Variants in KIF18A observed in about 807,000 individuals in gnomAD.
KIF18A encodes kinesin-like protein KIF18A.
In KIF18A, 67 loss-of-function variants were observed where a neutral mutation model predicts 103.3. The observed-to-expected ratio is 0.65, with a 90% CI of 0.53 to 0.79. KIF18A has a LOEUF of 0.79. Ranked by LOEUF, KIF18A falls within the 30% of genes least tolerant of loss-of-function variation. KIF18A has a pLI of 0.00. For missense variants in KIF18A, 1,032 were observed against 1,062.5 expected (o/e 0.97, Z 0.40); for synonymous variants, 367 against 355.5 (o/e 1.03, Z -0.36).
intron 7 of KIF18A, 124 bp from the exon 8 acceptor site, chr11:28,083,367 T>A: frequency 2.8e-6 from 3 of 1,078,300 alleles, no homozygotes; most frequent in Middle Eastern, 6.0e-4. Context: ...ATAATTATGC[T>A]CACATTTAAA....
At chr11:28,100,107 G>A (rs1183912717) in intron 1 of KIF18A, among the ~76,000 whole-genome samples, 1 of 152,026 alleles carries the variant, frequency 6.6e-6, no homozygotes, top group East Asian at 1.9e-4. Context: ...TTTGGCTTGA[G>A]AATTAGAAGG....
At chr11:28,094,572 A>G (rs1851344255) in intron 3 of KIF18A, 71 bp downstream of exon 3, 1 of 1,086,466 alleles carries the variant, frequency 9.2e-7, no homozygotes, top group Non-Finnish European at 1.4e-6. Flanking sequence ...ACTCTTATAT[A>G]ATAAAATCAT....
chr11:28,042,718 T>C (rs577353287), intron 13 of KIF18A, among the ~76,000 whole-genome samples: 1 of 151,792 alleles, frequency 6.6e-6, no homozygotes, highest in Non-Finnish European at 1.5e-5. Context: ...CATTTGAAGG[T>C]TAACTGCAAA....
intron 12 of KIF18A, among the ~76,000 whole-genome samples, chr11:28,061,929 G>T (rs1419483190): frequency 3.9e-5 from 6 of 151,996 alleles, no homozygotes; most frequent in African/African-American, 2.4e-5. Flanking sequence ...GAACATAAAA[G>T]GTCTGTTATA....
intron 6 of KIF18A, 100 bp downstream of exon 6, chr11:28,088,424 G>T: frequency 1.1e-6 from 1 of 928,124 alleles, no homozygotes; most frequent in Non-Finnish European, 1.7e-6. Flanking sequence ...CTTGAAATGT[G>T]ATATATATCA....
At chr11:28,086,084 A>T (rs1851225330) in intron 6 of KIF18A, among the ~76,000 whole-genome samples, 1 of 152,202 alleles carries the variant, frequency 6.6e-6, no homozygotes, top group Non-Finnish European at 1.5e-5. Flanking sequence ...AATTAACAAT[A>T]GGGAAAACCA....
At chr11:28,091,313 T>C (rs1353295643) in intron 4 of KIF18A, 96 bp downstream of exon 4, 2 of 627,366 alleles carry the variant, frequency 3.2e-6, no homozygotes, top group African/African-American at 1.9e-5. Flanking sequence ...TAGTTTTTTT[T>C]CTCAAACAGG....
intron 10 of KIF18A, among the ~76,000 whole-genome samples, chr11:28,074,236 A>G (rs1238115818): frequency 6.6e-6 from 1 of 152,102 alleles, no homozygotes; most frequent in East Asian, 1.9e-4. Flanking sequence ...CTTATATAAT[A>G]TGGTACTATT....
intron 1 of KIF18A, among the ~76,000 whole-genome samples, chr11:28,100,681 A>G (rs1170692095): frequency 4.6e-5 from 7 of 152,216 alleles, no homozygotes; most frequent in Admixed American, 4.6e-4. Flanking sequence ...CAGAATTCAA[A>G]TAAGGACAGA....
At chr11:28,031,233 G>A (rs1438900031) in intron 15 of KIF18A, among the ~76,000 whole-genome samples, 7 of 152,042 alleles carry the variant, frequency 4.6e-5, no homozygotes, top group African/African-American at 1.7e-4. Flanking sequence ...ACATGCACAC[G>A]TATGTTTATT....
chr11:28,053,573 A>G (rs1850739021), intron 13 of KIF18A, among the ~76,000 whole-genome samples: 1 of 152,132 alleles, frequency 6.6e-6, no homozygotes, highest in Admixed American at 6.6e-5. Flanking sequence ...TTACATATGT[A>G]TACATGTGCC....
chr11:28,075,536 T>C (rs990279806), intron 10 of KIF18A, among the ~76,000 whole-genome samples: 4 of 152,180 alleles, frequency 2.6e-5, no homozygotes, highest in Non-Finnish European at 5.9e-5. Flanking sequence ...TTTCATGTGT[T>C]TTTTACCTCA....
intron 11 of KIF18A, among the ~76,000 whole-genome samples, chr11:28,065,909 T>A (rs1850914872): frequency 6.6e-6 from 1 of 152,074 alleles, no homozygotes; most frequent in African/African-American, 2.4e-5. Flanking sequence ...TTTTAATGAA[T>A]ATACTTAATG....
Position 28,080,379 on chromosome 11 carries a change from G to C in KIF18A, c.1262+2477C>G, listed in dbSNP as rs564551121. ...TTTTTTTTTTTTTAAACAAACTGAA[G>C]GTTTGTGGCAATCTTGCTGTGAGCA... is the stretch of plus-strand genomic sequence containing the variant. On this transcript the variant is annotated intron_variant, in intron 9 of 16. Coordinates refer to ENST00000263181, the MANE Select transcript of KIF18A (RefSeq NM_031217.4). Among the ~76,000 whole-genome samples, 891 of 146,786 alleles carry C rather than the reference G, an allele frequency of 6.1e-3. 5 individuals carry two copies. Among genetic ancestry groups the C allele is most frequent in the South Asian group, 0.014 (63 of 4,652 alleles).
chr11:28,035,361 C>A, intron 15 of KIF18A, 26 bp downstream of exon 15: 1 of 1,358,364 alleles, frequency 7.4e-7, no homozygotes, highest in South Asian at 1.3e-5. Flanking sequence ...AACTACAGAA[C>A]CAAACCAGTT....
In KIF18A at chr11:28,091,396, T is replaced by C; in HGVS notation, c.588+13A>G. The C allele has an allele frequency of 7.1e-7, 1 of 1,403,266 alleles. No individual in the cohort carries two copies. The highest frequency in any genetic ancestry group is 1.0e-6 in the Non-Finnish European group (1 of 993,722). 86.9% of individuals were successfully genotyped at this position (1,403,266 alleles called of 1,614,324 possible). A position where few individuals can be genotyped will look rare whatever the true frequency, so the allele number is the denominator to read the frequency against. ...TGCTATTCTAACAGGGAAAAAGATG[T>C]TTATATACATACCTGGTGTAAAGTA... is the stretch of plus-strand genomic sequence containing the variant. On this transcript the variant is annotated intron_variant, in intron 4 of 16. Coordinates refer to ENST00000263181, the MANE Select transcript of KIF18A (RefSeq NM_031217.4).
intron 6 of KIF18A, among the ~76,000 whole-genome samples, chr11:28,085,507 T>C (rs1274340641): frequency 6.6e-6 from 1 of 152,150 alleles, no homozygotes; most frequent in Non-Finnish European, 1.5e-5. Flanking sequence ...TGATCTTTCT[T>C]ATAAGTGCAC....
At position 28,076,811 on chromosome 11, in the gene KIF18A, G is replaced by A. The variant is rs570031774; in HGVS notation, c.1425+196C>T. ...TAGCTGGGCGTAGTGGTGCACGCTT[G>A]TAATACCAGCTAGCTGGGAGGCTGA... On this transcript the variant is annotated intron_variant, in intron 10 of 16. Transcript: ENST00000263181. The A allele has an allele frequency of 2.7e-3, 927 of 344,214 alleles. 17 individuals carry two copies. Among genetic ancestry groups the A allele is most frequent in the Non-Finnish European group, 7.3e-4 (141 of 193,720 alleles). 21.3% of individuals were successfully genotyped at this position (344,214 alleles called of 1,614,324 possible). A position where few individuals can be genotyped will look rare whatever the true frequency, so the allele number is the denominator to read the frequency against.
At chr11:28,090,403 A>G (rs1355734070) in intron 5 of KIF18A, among the ~76,000 whole-genome samples, 1 of 152,188 alleles carries the variant, frequency 6.6e-6, no homozygotes, top group Admixed American at 6.5e-5. Context: ...ATCCTCCTGT[A>G]TGTTTACAAA....
Sources: allele counts gnomAD v4.1 joint callset (sites outside exome capture counted in the v4.1 genomes callset), GRCh38; gene constraint gnomAD v4.1.1; transcripts MANE v1.5; gene names NCBI Gene and HGNC (gene_info 2026-07-23, HGNC 2026-07-21).